CD163: variants seen among roughly 807,000 people sequenced by gnomAD.
CD163 encodes the protein CD163 molecule.
A neutral mutation model predicts 129.2 loss-of-function variants in CD163; 64 were observed. The ratio of observed to expected loss-of-function variants is 0.50; its 90% CI spans 0.41 to 0.61. The LOEUF is 0.61. Ranked by LOEUF, CD163 falls within the 20% of genes least tolerant of loss-of-function variation. The pLI is 0.00. For missense variants in CD163, 1,061 were observed against 1,377.9 expected, an observed-to-expected ratio of 0.77 and a Z score of 3.64; for synonymous variants, 446 against 478.5, an observed-to-expected ratio of 0.93 and a Z score of 0.89.
At chr12:7,476,674 T>C (rs1181609012) in intron 16 of CD163, among the ~76,000 whole-genome samples, 1 of 152,216 alleles carries the variant, frequency 6.6e-6, no homozygotes, top group Admixed American at 6.5e-5. Context: ...TACATAGGCA[T>C]GGGCAAAGAC....
At chr12:7,501,067 G>C in intron 3 of CD163, 72 bp downstream of exon 3, 1 of 1,343,752 alleles carries the variant, frequency 7.4e-7, no homozygotes, top group East Asian at 2.3e-5. Flanking sequence ...CTTATTCTAG[G>C]TTTTAACCCA....
chr12:7,500,987 G>A (rs775130178), intron 3 of CD163, 152 bp downstream of exon 3: 112 of 650,636 alleles, frequency 1.7e-4, no homozygotes, highest in South Asian at 1.0e-3. Context: ...AAATGACCTC[G>A]TGTTTTGTGG....
chr12:7,474,486 T>C (rs1380108182), intron 16 of CD163, among the ~76,000 whole-genome samples: 3 of 152,070 alleles, frequency 2.0e-5, no homozygotes, highest in Admixed American at 2.0e-4. Context: ...ACTGAATAAG[T>C]AACAAAATTA....
rs760501635 is a variant in CD163, at chr12:7,496,287, C to T, written c.1099+526G>A. 1.9e-4 allele frequency among the ~76,000 whole-genome samples: 28 copies of T among 150,876 alleles called. No individual in the cohort carries two copies. Among genetic ancestry groups the T allele is most frequent in the Admixed American group, 6.0e-4 (9 of 15,124 alleles). On this transcript the variant is annotated intron_variant, in intron 5 of 16. Transcript: ENST00000432237. The surrounding 1 kb of genome is among the most constrained non-coding windows in gnomAD (Gnocchi z 4.8). Reference sequence around the variant, plus strand: ...CTGGGAGTTGAACAATGAGAACACACGGACACAGGGAGGGGAACATCACAC... The same window carrying T: ...CTGGGAGTTGAACAATGAGAACACATGGACACAGGGAGGGGAACATCACAC...
intron 6 of CD163, among the ~76,000 whole-genome samples, chr12:7,493,343 T>A (rs1207207215): frequency 6.6e-6 from 1 of 152,162 alleles, no homozygotes; most frequent in Non-Finnish European, 1.5e-5. Context: ...AGGCCAGCAC[T>A]TCGTCTACCA....
chr12:7,482,816 G>A, intron 13 of CD163, 54 bp from the exon 14 acceptor site: 2 of 1,603,928 alleles, frequency 1.2e-6, no homozygotes, highest in Non-Finnish European at 1.7e-6. Context: ...AAAAGATCAA[G>A]GTCCCTAGTT....
chr12:7,472,967 G>A (rs1365502474), intron 16 of CD163: 1 of 152,018 alleles, frequency 6.6e-6, no homozygotes, highest in Non-Finnish European at 1.5e-5. Context: ...GTGGAAGAAA[G>A]GATAACAGTA....
intron 11 of CD163, among the ~76,000 whole-genome samples, chr12:7,484,097 C>G (rs1375706813): frequency 6.6e-6 from 1 of 151,596 alleles, no homozygotes; most frequent in East Asian, 1.9e-4. Flanking sequence ...ACCTCGGACT[C>G]CCAAAGTCCG....
intron 6 of CD163, among the ~76,000 whole-genome samples, chr12:7,493,696 T>C (rs1317171908): frequency 6.6e-6 from 1 of 151,818 alleles, no homozygotes; most frequent in African/African-American, 2.4e-5. Flanking sequence ...GAAATAAAAC[T>C]TAAGATTCAA....
Position 7,485,223 on chromosome 12 carries a change from C to T in CD163, c.2652G>A (p.Met884Ile). 6.2e-7 allele frequency: 1 copy of T among 1,614,214 alleles called. No individual in the cohort carries two copies. Among genetic ancestry groups the T allele is most frequent in the Non-Finnish European group, 8.5e-7 (1 of 1,180,032 alleles). The change falls in exon 11 of 17, where the codon ATG (methionine) becomes ATA (isoleucine). Residue 884 changes from methionine to isoleucine, a missense_variant. By Grantham distance (10) the Met-to-Ile change is conservative. Transcript: ENST00000432237. The surrounding 1 kb of genome is among the most constrained non-coding windows in gnomAD (Gnocchi z 4.5). ...CATTGTCCACCCACATGGGAATGGA[C>T]ATGGCCTTGTCTAAAGATGCAGGGT... ...KINPASLDKA[M>I]SIPMWVDNVQ...
intron 16 of CD163, among the ~76,000 whole-genome samples, chr12:7,475,097 C>CA (rs58901449): frequency 0.41 from 38,561 of 93,774 alleles, 8,985 homozygotes; most frequent in Middle Eastern, 0.52. Flanking sequence ...GCCTACCAAC[C>CA]AAAAAAAAAA....
chr12:7,494,490 C>T (rs1949372872), intron 6 of CD163, among the ~76,000 whole-genome samples: 1 of 152,106 alleles, frequency 6.6e-6, no homozygotes, highest in African/African-American at 2.4e-5. Context: ...TTTTCTTGTA[C>T]ACTGTGTTTT....
Position 7,499,029 on chromosome 12 carries a change from A to T in CD163, c.617T>A (p.Val206Asp). 1 of 1,614,198 alleles carries T rather than the reference A, an allele frequency of 6.2e-7. No homozygotes were observed. The highest frequency in any genetic ancestry group is 8.5e-7 in the Non-Finnish European group (1 of 1,180,028). Residue 206 changes from valine to aspartate, a missense_variant, in exon 4 of 17, where the codon GTC (valine) becomes GAC (aspartate). By Grantham distance (152) the Val-to-Asp change is radical. Transcript: ENST00000432237. ...ICRQLECGSA[V>D]SFSGSSNFGE... ...AAAATTAGATGAACCAGAGAAACTG[A>T]CAGCACTTCCACATTCAAGTTGTCT...
chr12:7,499,131 A>G lies in CD163; in HGVS notation c.515T>C (p.Ile172Thr), dbSNP rs2136740287. 3 of 1,613,980 alleles carry G rather than the reference A, an allele frequency of 1.9e-6. No homozygotes were observed. The highest frequency in any genetic ancestry group is 2.2e-5 in the East Asian group (1 of 44,870). Reference protein sequence around the residue: ...TRGGNMCSGRIEIKFQGRWGT... With the variant: ...TRGGNMCSGRTEIKFQGRWGT... ...CCACCGTCCTTGGAATTTGATCTCT[A>G]TTCTTCCAGAACACATATTCCCTCC... The change falls in exon 4 of 17, where the codon ATA (isoleucine) becomes ACA (threonine). Residue 172 changes from isoleucine (I) to threonine (T), a missense_variant. Physicochemically the swap from Ile to Thr is moderately conservative, Grantham distance 89. Transcript: ENST00000432237.
In CD163 at chr12:7,487,869, A is replaced by G; in HGVS notation, c.1639T>C (p.Cys547Arg). ...GAAAGATGGGACTCATGTCCCTCAC[A>G]CTGGAATTCTTCAGCCCAGATCTGT... The part of the protein sequence containing the change: ...NGQIWAEEFQ[C>R]EGHESHLSLC... The change falls in exon 7 of 17, where the codon TGT becomes CGT. Residue 547 changes from cysteine to arginine, a missense_variant. Cys to Arg is a radical substitution (Grantham distance 180). Transcript: ENST00000432237. This position sits in a 1 kb window ranked among gnomAD's most constrained non-coding sequence, Gnocchi z 5.1. 6.2e-7 allele frequency: 1 copy of G among 1,614,082 alleles called. No homozygotes were observed. The highest frequency in any genetic ancestry group is 8.5e-7 in the Non-Finnish European group (1 of 1,180,008).
intron 1 of CD163, 194 bp from the exon 2 acceptor site, chr12:7,502,758 C>G (rs1357567874): frequency 3.2e-6 from 2 of 625,380 alleles, no homozygotes; most frequent in East Asian, 2.7e-5. Context: ...TGAAAATGTT[C>G]ATGTTTATAG....
rs1949099548 is a variant in CD163 at position 7,477,212 on chromosome 12, A to G, written c.*31+2648T>C. Among the ~76,000 whole-genome samples the G allele has an allele frequency of 2.6e-5, 4 of 151,494 alleles. No individual in the cohort carries two copies. In the South Asian group the frequency reaches 8.4e-4, roughly 32 times the overall value. ...TCAAGGATCTAGAACCAGAAATACC[A>G]TTTGACCCACCAATCCCATTACTGG... On this transcript the variant is annotated intron_variant, in intron 16 of 16. Transcript: ENST00000432237.
At chr12:7,495,844 T>C (rs933527312) in intron 5 of CD163, among the ~76,000 whole-genome samples, 3 of 152,178 alleles carry the variant, frequency 2.0e-5, no homozygotes, top group Non-Finnish European at 4.4e-5. Context: ...GGCAAGGATG[T>C]AGAGAAATAG....
Position 7,486,696 on chromosome 12 carries a change from T to G in CD163, c.2261A>C (p.His754Pro), listed in dbSNP as rs201192099. The G allele has an allele frequency of 6.2e-7, 1 of 1,614,168 alleles. No homozygotes were observed. Among genetic ancestry groups the G allele is most frequent in the Non-Finnish European group, 8.5e-7 (1 of 1,180,018 alleles). ...CDDSWDLSDA[H>P]VVCRQLGCGE... ...ACAGCCCAGCTGTCTGCAAACCACG[T>G]GGGCATCACTCAGGTCCCAGCTGTC... The change falls in exon 10 of 17, where the codon CAC becomes CCC. Residue 754 changes from histidine (H) to proline (P), a missense_variant. By Grantham distance (77) the His-to-Pro change is moderately conservative. Transcript: ENST00000432237.
Sources: gnomAD v4.1 joint callset for allele counts (sites outside exome capture counted in the v4.1 genomes callset) on GRCh38, gnomAD v4.1.1 for gene constraint, Gnocchi (gnomAD v3.1) non-coding constraint, MANE v1.5 for transcripts, NCBI Gene and HGNC (gene_info 2026-07-23, HGNC 2026-07-21) for gene names.